Variants in DCC observed in about 807,000 individuals in gnomAD.
The protein encoded by DCC is netrin receptor DCC.
A neutral mutation model predicts 172.5 loss-of-function variants in DCC; 58 were observed. That is an observed-to-expected ratio of 0.34 (90% CI 0.27 to 0.42). The LOEUF is 0.42. DCC is among the 10% of genes least tolerant of loss of function. DCC has a pLI of 1.00. For synonymous variants in DCC, 709 were observed against 644.5 expected, an observed-to-expected ratio of 1.10 and a Z score of -1.52; for missense variants, 1,740 against 1,791.0, an observed-to-expected ratio of 0.97 and a Z score of 0.51.
intron 2 of DCC, among the ~76,000 whole-genome samples, chr18:52,843,179 ATT>A: frequency 6.6e-6 from 1 of 152,224 alleles, no homozygotes; most frequent in Non-Finnish European, 1.5e-5. Flanking sequence ...TTTGAAACAA[ATT>A]ATTAGTTAAA....
chr18:53,058,071 T>G (rs1013937688), intron 5 of DCC, among the ~76,000 whole-genome samples: 12 of 152,054 alleles, frequency 7.9e-5, no homozygotes, highest in Non-Finnish European at 1.6e-4. Flanking sequence ...GGAATGCAAT[T>G]CCAGACAGAA....
intron 2 of DCC, among the ~76,000 whole-genome samples, chr18:52,759,268 A>G (rs1030731499): frequency 6.6e-6 from 1 of 152,182 alleles, no homozygotes; most frequent in Non-Finnish European, 1.5e-5. Context: ...TCCTAAGTCA[A>G]TTAACTCTGC....
intron 12 of DCC, among the ~76,000 whole-genome samples, chr18:53,253,873 T>C (rs912196764): frequency 2.0e-5 from 3 of 152,084 alleles, no homozygotes; most frequent in Non-Finnish European, 4.4e-5. Context: ...CATGCTATTC[T>C]ACATGACTAA....
intron 5 of DCC, among the ~76,000 whole-genome samples, chr18:52,975,438 T>C (rs1485569495): frequency 6.6e-6 from 1 of 152,136 alleles, no homozygotes; most frequent in Non-Finnish European, 1.5e-5. Context: ...GGGGGGTTGT[T>C]GTACTGATTA....
At chr18:52,698,762 C>T (rs550677245) in intron 1 of DCC, among the ~76,000 whole-genome samples, 1 of 44,088 alleles carries the variant, frequency 2.3e-5, no homozygotes, top group South Asian at 1.4e-3. Context: ...CCACGCCTGG[C>T]TATTTTTTTT....
At chr18:52,670,605 C>T (rs906656139) in intron 1 of DCC, among the ~76,000 whole-genome samples, 1 of 152,188 alleles carries the variant, frequency 6.6e-6, no homozygotes, top group African/African-American at 2.4e-5. Context: ...TTTGGGAGGC[C>T]AAGGCAGGTG....
intron 1 of DCC, among the ~76,000 whole-genome samples, chr18:52,568,231 T>C (rs1438440747): frequency 6.6e-6 from 1 of 152,020 alleles, no homozygotes. Flanking sequence ...CTTAGAAAAA[T>C]AAAAACATAT....
chr18:53,096,730 A>G (rs2043093240), intron 7 of DCC, among the ~76,000 whole-genome samples: 1 of 152,186 alleles, frequency 6.6e-6, no homozygotes, highest in Non-Finnish European at 1.5e-5. Context: ...AGCAAAATAG[A>G]AGGAAAAGAA....
chr18:52,834,401 T>C (rs746265094), intron 2 of DCC, among the ~76,000 whole-genome samples: 3 of 152,214 alleles, frequency 2.0e-5, no homozygotes, highest in Non-Finnish European at 2.9e-5. Flanking sequence ...TTAAATTTAC[T>C]AAATCAGGGA....
intron 7 of DCC, among the ~76,000 whole-genome samples, chr18:53,108,182 A>C (rs200255861): frequency 6.6e-6 from 1 of 151,026 alleles, no homozygotes; most frequent in Non-Finnish European, 1.5e-5. Context: ...TACACAGAAA[A>C]ACACACACAC....
At chr18:53,409,700 G>T (rs533211445) in intron 19 of DCC, among the ~76,000 whole-genome samples, 2 of 152,240 alleles carry the variant, frequency 1.3e-5, no homozygotes, top group African/African-American at 4.8e-5. Context: ...TAGCACTCAA[G>T]TAACATATCC....
At chr18:52,923,625 T>C (rs1431939934) in intron 3 of DCC, 82 bp from the exon 4 acceptor site, 1 of 1,130,088 alleles carries the variant, frequency 8.8e-7, no homozygotes, top group East Asian at 2.4e-5. Flanking sequence ...TTCCATCTTT[T>C]GTTAGGAAAA....
chr18:52,613,286 C>T (rs1016400857), intron 1 of DCC, among the ~76,000 whole-genome samples: 2 of 152,090 alleles, frequency 1.3e-5, no homozygotes, highest in Non-Finnish European at 2.9e-5. Flanking sequence ...GACAGAGTCT[C>T]TCTCTGTAGC....
chr18:52,370,657 C>T (rs188657148), intron 1 of DCC, among the ~76,000 whole-genome samples: 2 of 152,134 alleles, frequency 1.3e-5, no homozygotes, highest in Admixed American at 6.6e-5. Flanking sequence ...CAAACCACCA[C>T]GACACACATT....
At chr18:53,069,256 A>G (rs1006593377) in intron 7 of DCC, among the ~76,000 whole-genome samples, 3 of 152,212 alleles carry the variant, frequency 2.0e-5, no homozygotes, top group Non-Finnish European at 4.4e-5. Context: ...TTAGCTTCCA[A>G]GATGGAGTTG....
rs561877398 is a variant in DCC at position 52,377,915 on chromosome 18, G to A, written c.91+37037G>A. On this transcript the variant is annotated intron_variant, in intron 1 of 28. Transcript: ENST00000442544. ...GGGTTTTGACATGTTGGCCAGGCTG[G>A]TCTCACACTTCTGACCTCAAGTGAT... Among the ~76,000 whole-genome samples the A allele has an allele frequency of 1.4e-4, 21 of 152,070 alleles. No homozygotes were observed. The South Asian group carries it at 2.1e-3, about 15-fold the overall frequency.
At chr18:52,416,971 T>C (rs1987056571) in intron 1 of DCC, among the ~76,000 whole-genome samples, 1 of 152,202 alleles carries the variant, frequency 6.6e-6, no homozygotes, top group Admixed American at 6.5e-5. Context: ...CTAGCCTCGA[T>C]GGTCTTTACA....
chr18:52,935,168 A>G (rs867710563), intron 5 of DCC, among the ~76,000 whole-genome samples: 20 of 149,530 alleles, frequency 1.3e-4, no homozygotes, highest in Middle Eastern at 3.6e-3. Context: ...GATTTCTAGG[A>G]GTGTAAAAAA....
intron 2 of DCC, among the ~76,000 whole-genome samples, chr18:52,780,853 T>C (rs2037526751): frequency 6.6e-6 from 1 of 152,150 alleles, no homozygotes; most frequent in Admixed American, 6.5e-5. Flanking sequence ...TAGCATTTCT[T>C]GTACCCCATG....
Sources: gnomAD v4.1 joint callset for allele counts (sites outside exome capture counted in the v4.1 genomes callset) on GRCh38, gnomAD v4.1.1 for gene constraint, MANE v1.5 for transcripts, NCBI Gene and HGNC (gene_info 2026-07-23, HGNC 2026-07-21) for gene names.